Variants in FOCAD observed in about 807,000 individuals in gnomAD.
FOCAD encodes the protein KIAA1797.
In FOCAD, 198 loss-of-function variants were observed where a neutral mutation model predicts 225.6. The observed-to-expected ratio is 0.88, with a 90% CI of 0.78 to 0.99. The LOEUF is 0.99. Among genes scored for constraint, FOCAD ranks in the 50% least tolerant of loss-of-function variants. The probability of loss-of-function intolerance (pLI) is 0.00; values close to 1 mark genes in which losing one functional copy is unlikely to be tolerated. For missense variants in FOCAD, 2,713 were observed against 2,123.6 expected (o/e 1.28, Z -5.46); for synonymous variants, 897 against 755.0 (o/e 1.19, Z -3.08).
rs1433173862 is a variant in FOCAD at position 20,929,444 on chromosome 9, T to C, written c.3165T>C (p.Ile1055=). 7 of 1,614,066 alleles carry C rather than the reference T, an allele frequency of 4.3e-6. No homozygotes were observed. Among genetic ancestry groups the C allele is most frequent in the African/African-American group, 2.7e-5 (2 of 74,938 alleles). ...TALSLLVPVF[I]ISCKEKVEEI... is the part of the protein sequence containing the mutation. ...TGTCTCTCCTTGTGCCAGTTTTCAT[T>C]ATCTCTTGCAAAGAGAAGGTTGAGG... The change falls in exon 27 of 44, where the codon ATT becomes ATC. Residue 1055 remains isoleucine, a synonymous_variant. Transcript: ENST00000338382.
intron 21 of FOCAD, among the ~76,000 whole-genome samples, chr9:20,901,202 G>A (rs954131705): frequency 1.9e-4 from 28 of 149,466 alleles, no homozygotes; most frequent in African/African-American, 6.9e-4. Context: ...ATGTGTGTGT[G>A]TGTGTGTGTG....
intron 22 of FOCAD, among the ~76,000 whole-genome samples, chr9:20,908,567 A>C (rs1209966482): frequency 3.9e-5 from 6 of 152,030 alleles, no homozygotes; most frequent in Non-Finnish European, 8.8e-5. Context: ...CCCTAAATGT[A>C]CTGTAATCTG....
intron 15 of FOCAD, among the ~76,000 whole-genome samples, chr9:20,842,319 T>C (rs1457538211): frequency 2.6e-5 from 4 of 152,028 alleles, no homozygotes; most frequent in African/African-American, 9.7e-5. Context: ...GGATAATTGG[T>C]CTAATGCTGA....
rs1442075636 is a variant in FOCAD, at chr9:20,753,620, T to C, written c.393-4470T>C. On this transcript the variant is annotated intron_variant, in intron 5 of 43. Transcript: ENST00000338382. ...CATCAAGGATATTGGTCTAAAATTG[T>C]CTTTTTTGGTTGTGTCTCTGCCCGG... Among the ~76,000 whole-genome samples the C allele has an allele frequency of 1.8e-4, 27 of 152,202 alleles. 1 individual carries two copies. Among genetic ancestry groups the C allele is most frequent in the Middle Eastern group, 3.4e-3 (1 of 294 alleles).
chr9:20,980,221 A>G (rs910742544), intron 37 of FOCAD, among the ~76,000 whole-genome samples: 1 of 151,990 alleles, frequency 6.6e-6, no homozygotes, highest in Non-Finnish European at 1.5e-5. Context: ...TTCATGTCTG[A>G]GAGATACATT....
At chr9:20,684,804 A>C (rs2131312857) in intron 1 of FOCAD, 1 of 152,422 alleles carries the variant, frequency 6.6e-6, no homozygotes, top group East Asian at 1.9e-4. Context: ...CTTATAATGC[A>C]AAGGCTTATG....
chr9:20,809,458 A>T (rs1054092176), intron 11 of FOCAD, among the ~76,000 whole-genome samples: 2 of 152,160 alleles, frequency 1.3e-5, no homozygotes, highest in Non-Finnish European at 2.9e-5. Context: ...ATTTAATTCA[A>T]TTGATCAATC....
intron 35 of FOCAD, among the ~76,000 whole-genome samples, chr9:20,964,645 C>G (rs1229673499): frequency 6.6e-6 from 1 of 152,000 alleles, no homozygotes; most frequent in Non-Finnish European, 1.5e-5. Flanking sequence ...AAGCGATTCT[C>G]CTGCCTCAGC....
At chr9:20,899,612 A>G (rs930471726) in intron 21 of FOCAD, among the ~76,000 whole-genome samples, 15 of 151,928 alleles carry the variant, frequency 9.9e-5, no homozygotes, top group African/African-American at 3.4e-4. Flanking sequence ...GCTGGACTAG[A>G]AACCTTCGCT....
At chr9:20,978,490 A>G in intron 37 of FOCAD, 36 bp downstream of exon 37, 1 of 1,398,532 alleles carries the variant, frequency 7.2e-7, no homozygotes, top group Non-Finnish European at 9.9e-7. Context: ...CAACAGGAGG[A>G]TATTGTTCTT....
At chr9:20,849,191 C>A (rs1330962656) in intron 15 of FOCAD, among the ~76,000 whole-genome samples, 2 of 151,964 alleles carry the variant, frequency 1.3e-5, no homozygotes, top group African/African-American at 4.8e-5. Flanking sequence ...ATAGACATCT[C>A]CCTCCTTTCC....
intron 11 of FOCAD, among the ~76,000 whole-genome samples, chr9:20,791,094 T>C (rs1003128650): frequency 2.6e-5 from 4 of 152,180 alleles, no homozygotes; most frequent in South Asian, 2.1e-4. Context: ...ATCTCTAGAA[T>C]AGTTAATGCA....
intron 28 of FOCAD, among the ~76,000 whole-genome samples, chr9:20,935,662 G>T (rs1051184325): frequency 6.6e-6 from 1 of 152,188 alleles, no homozygotes; most frequent in African/African-American, 2.4e-5. Context: ...GCCTCCCAAA[G>T]TGCTGGGATT....
intron 19 of FOCAD, chr9:20,875,180 C>T (rs999137440): frequency 5.3e-6 from 1 of 190,096 alleles, no homozygotes; most frequent in African/African-American, 2.4e-5. Context: ...TTAGACTATT[C>T]AGAGATTTAC....
At chr9:20,755,696 A>G (rs576323556) in intron 5 of FOCAD, among the ~76,000 whole-genome samples, 2 of 152,322 alleles carry the variant, frequency 1.3e-5, no homozygotes, top group East Asian at 3.9e-4. Context: ...TTAATGGATG[A>G]TTATATCTGA....
intron 21 of FOCAD, among the ~76,000 whole-genome samples, chr9:20,891,640 G>A (rs1016006836): frequency 6.6e-6 from 1 of 152,194 alleles, no homozygotes; most frequent in African/African-American, 2.4e-5. Context: ...TAAGAGAGGT[G>A]AGGAAACTGC....
At chr9:20,835,114 C>G (rs1587350405) in intron 15 of FOCAD, among the ~76,000 whole-genome samples, 1 of 150,094 alleles carries the variant, frequency 6.7e-6, no homozygotes, top group Non-Finnish European at 1.5e-5. Flanking sequence ...ACATACTTGT[C>G]AGAATTTATC....
chr9:20,665,154 A>C (rs1429087053), intron 2 of FOCAD, among the ~76,000 whole-genome samples: 2 of 152,278 alleles, frequency 1.3e-5, no homozygotes, highest in Admixed American at 1.3e-4. Context: ...TGGCTTAGAG[A>C]CTGCTAAAGA....
intron 5 of FOCAD, among the ~76,000 whole-genome samples, chr9:20,751,587 T>C (rs1254407042): frequency 1.5e-5 from 2 of 132,306 alleles, no homozygotes; most frequent in African/African-American, 2.6e-5. Context: ...TTCCAAGTCT[T>C]TGCTATTGTG....
Sources: allele counts gnomAD v4.1 joint callset (sites outside exome capture counted in the v4.1 genomes callset), GRCh38; gene constraint gnomAD v4.1.1; transcripts MANE v1.5; gene names NCBI Gene and HGNC (gene_info 2026-07-23, HGNC 2026-07-21).